DOCK1: variants seen among roughly 807,000 people sequenced by gnomAD.
The protein encoded by DOCK1 is dedicator of cytokinesis protein 1.
Under a neutral mutation model 262.7 loss-of-function variants are expected in DOCK1, and 138 were observed. That is an observed-to-expected ratio of 0.53 (90% CI 0.46 to 0.61). The LOEUF is 0.61. DOCK1 is among the 20% of genes least tolerant of loss of function. The pLI, the probability that DOCK1 is intolerant of heterozygous loss-of-function variation, is 0.00. For missense variants in DOCK1, 1,908 were observed against 2,370.7 expected (o/e 0.80, Z 4.05); for synonymous variants, 866 against 867.4 (o/e 1.00, Z 0.03).
intron 31 of DOCK1, among the ~76,000 whole-genome samples, chr10:127,352,749 C>T (rs1434927997): frequency 4.6e-5 from 7 of 152,148 alleles, no homozygotes; most frequent in African/African-American, 7.2e-5. Context: ...TGTGCCACCA[C>T]GCCCAGCTAA....
At chr10:126,990,421 C>A (rs1554967332) in intron 5 of DOCK1, 34 bp from the exon 6 acceptor site, 3 of 1,568,992 alleles carry the variant, frequency 1.9e-6, no homozygotes, top group South Asian at 2.4e-5. Context: ...TGTTTTATAA[C>A]AAAATCTTTC....
rs12358752 is a variant in DOCK1, at chr10:127,147,979, C to A, written c.2847+20215C>A. 7.7e-3 allele frequency among the ~76,000 whole-genome samples: 1,100 copies of A among 142,890 alleles called. 5 individuals are homozygous for A. The highest frequency in any genetic ancestry group is 0.013 in the Admixed American group (178 of 13,434). The allele number at this position is 142,890 out of a possible 152,430, so 93.7% of individuals were successfully genotyped here. On this transcript the variant is annotated intron_variant, in intron 27 of 51. Coordinates refer to ENST00000623213, the MANE Select transcript of DOCK1 (RefSeq NM_001290223.2). The stretch of plus-strand genomic sequence containing the variant: ...CCAGGAGGAGGAGGGTGCAGTGAGC[C>A]GAGATTGCACCACTGCACTCCAGCC...
intron 29 of DOCK1, among the ~76,000 whole-genome samples, chr10:127,311,214 G>A (rs2062051151): frequency 6.6e-6 from 1 of 152,138 alleles, no homozygotes; most frequent in African/African-American, 2.4e-5. Context: ...GCTGTTCCTG[G>A]GGCCATGCTT....
At chr10:127,116,209 C>A (rs556837881) in intron 25 of DOCK1, among the ~76,000 whole-genome samples, 1 of 152,162 alleles carries the variant, frequency 6.6e-6, no homozygotes, top group South Asian at 2.1e-4. Flanking sequence ...TGGGGCTCCT[C>A]CCTTCACTAT....
intron 23 of DOCK1, among the ~76,000 whole-genome samples, chr10:127,097,013 G>A (rs952510194): frequency 6.6e-6 from 1 of 152,158 alleles, no homozygotes; most frequent in Admixed American, 6.5e-5. Flanking sequence ...GCTGAGACAG[G>A]AGAATTGCTT....
chr10:127,186,165 G>C (rs1233274470), intron 27 of DOCK1, among the ~76,000 whole-genome samples: 2 of 152,206 alleles, frequency 1.3e-5, no homozygotes, highest in Non-Finnish European at 2.9e-5. Context: ...GGGTTCTAGT[G>C]ACTTCCAAGG....
intron 33 of DOCK1, among the ~76,000 whole-genome samples, chr10:127,370,620 T>A (rs1344174353): frequency 6.6e-6 from 1 of 152,228 alleles, no homozygotes; most frequent in Non-Finnish European, 1.5e-5. Context: ...CTTCTCTCCA[T>A]GATCTTTCAA....
At chr10:127,339,732 T>TGTGTGTGC (rs1243468884) in intron 30 of DOCK1, among the ~76,000 whole-genome samples, 23 of 40,430 alleles carry the variant, frequency 5.7e-4, no homozygotes, top group Non-Finnish European at 1.0e-3. Flanking sequence ...TGTGTGTGTG[T>TGTGTGTGC]GTGCATGCTG....
chr10:127,278,199 A>G lies in DOCK1; in HGVS notation c.3044+20770A>G, dbSNP rs2060814947. On this transcript the variant is annotated intron_variant, in intron 29 of 51. Transcript: ENST00000623213. ...CACTGGCCAGTGTCCAGTGTAAGCA[A>G]ATTTGCACATGGCTGTCCCTTGAGT... Among the ~76,000 whole-genome samples, 3 of 152,098 alleles carry G rather than the reference A, an allele frequency of 2.0e-5. No individual in the cohort carries two copies. The South Asian group carries it at 6.2e-4, about 32-fold the overall frequency.
At chr10:127,325,030 CAGCCCGGG>C (rs1223642715) in intron 29 of DOCK1, among the ~76,000 whole-genome samples, 2 of 152,312 alleles carry the variant, frequency 1.3e-5, no homozygotes, top group East Asian at 3.9e-4. Context: ...AATCCACGCA[CAGCCCGGG>C]AGAGTCCCTG....
At chr10:127,193,632 G>A (rs1249192346) in intron 27 of DOCK1, among the ~76,000 whole-genome samples, 8 of 152,184 alleles carry the variant, frequency 5.3e-5, no homozygotes, top group Non-Finnish European at 8.8e-5. Flanking sequence ...ACTGCGATCC[G>A]TTGTTATTTC....
chr10:127,293,260 A>G (rs539649054), intron 29 of DOCK1, among the ~76,000 whole-genome samples: 68 of 152,306 alleles, frequency 4.5e-4, no homozygotes, highest in African/African-American at 1.6e-3. Flanking sequence ...GCCTTTTCAT[A>G]GGGCATGGGA....
chr10:127,199,725 G>T (rs537556950), intron 27 of DOCK1, among the ~76,000 whole-genome samples: 1 of 152,212 alleles, frequency 6.6e-6, no homozygotes, highest in Non-Finnish European at 1.5e-5. Context: ...CACTGGTGCT[G>T]GATCATTCTG....
At position 127,165,507 on chromosome 10, in the gene DOCK1, C is replaced by T. The variant is rs573213742; in HGVS notation, c.2847+37743C>T. Among the ~76,000 whole-genome samples the T allele has an allele frequency of 5.5e-4, 83 of 152,186 alleles. 1 individual carries two copies. Among genetic ancestry groups the T allele is most frequent in the Admixed American group, 1.6e-3 (24 of 15,292 alleles). On this transcript the variant is annotated intron_variant, in intron 27 of 51. Transcript: ENST00000623213. Reference sequence around the variant, plus strand: ...ACTGCCTTTTTGGTTGAAGGATGCTCGTTGTTAGATCATTTTTTCCCCCAG... The same window carrying T: ...ACTGCCTTTTTGGTTGAAGGATGCTTGTTGTTAGATCATTTTTTCCCCCAG...
chr10:127,228,883 A>G (rs753882804), intron 27 of DOCK1, among the ~76,000 whole-genome samples: 5 of 152,332 alleles, frequency 3.3e-5, no homozygotes, highest in Middle Eastern at 3.4e-3. Flanking sequence ...AATTGAGCTA[A>G]CTAACATGCA....
chr10:127,166,222 C>T (rs933987422), intron 27 of DOCK1, among the ~76,000 whole-genome samples: 2 of 152,098 alleles, frequency 1.3e-5, no homozygotes. Context: ...CCTGCCACCA[C>T]GCCCAGCTAA....
At chr10:127,328,101 T>A in intron 29 of DOCK1, among the ~76,000 whole-genome samples, 1 of 127,086 alleles carries the variant, frequency 7.9e-6, no homozygotes, top group African/African-American at 3.1e-5. Flanking sequence ...AGCAAGCACC[T>A]AGGCTCCTAC....
At chr10:127,009,300 C>T (rs1051050326) in intron 11 of DOCK1, among the ~76,000 whole-genome samples, 32 of 152,160 alleles carry the variant, frequency 2.1e-4, no homozygotes, top group Admixed American at 1.2e-3. Flanking sequence ...TATCTGTGTT[C>T]GTTTTTAGGC....
intron 1 of DOCK1, among the ~76,000 whole-genome samples, chr10:126,957,617 G>C (rs940309412): frequency 1.2e-4 from 19 of 152,048 alleles, no homozygotes; most frequent in African/African-American, 4.3e-4. Context: ...CAAGTAGCTG[G>C]GACTGCAGGT....
Sources: gnomAD v4.1 joint callset for allele counts (sites outside exome capture counted in the v4.1 genomes callset) on GRCh38, gnomAD v4.1.1 for gene constraint, MANE v1.5 for transcripts, NCBI Gene and HGNC (gene_info 2026-07-23, HGNC 2026-07-21) for gene names.